The following PTPRN2 variants were observed in gnomAD, a reference collection of about 807,000 sequenced individuals.
PTPRN2 encodes protein tyrosine phosphatase receptor type N2.
Under a neutral mutation model 118.8 loss-of-function variants are expected in PTPRN2, and 74 were observed. The ratio of observed to expected loss-of-function variants is 0.62; its 90% CI spans 0.52 to 0.76. The LOEUF (loss-of-function observed/expected upper bound fraction) is 0.76, where lower values mean the gene tolerates loss of function less well. Among genes scored for constraint, PTPRN2 ranks in the 30% least tolerant of loss-of-function variants. The probability of loss-of-function intolerance (pLI) is 0.00; values close to 1 mark genes in which losing one functional copy is unlikely to be tolerated. For synonymous variants in PTPRN2, 641 were observed against 608.0 expected, an observed-to-expected ratio of 1.05 and a Z score of -0.80; for missense variants, 1,481 against 1,394.4, an observed-to-expected ratio of 1.06 and a Z score of -0.99.
chr7:157,778,715 T>C (rs971722144), intron 12 of PTPRN2, among the ~76,000 whole-genome samples: 5 of 150,222 alleles, frequency 3.3e-5, no homozygotes, highest in African/African-American at 4.9e-5. Context: ...CATGTAAACA[T>C]GTCCACCTGA....
At chr7:158,441,034 TG>T in intron 2 of PTPRN2, among the ~76,000 whole-genome samples, 1 of 147,572 alleles carries the variant, frequency 6.8e-6, no homozygotes. Flanking sequence ...GTGGTGACAG[TG>T]GTAGTAGTGA....
At chr7:157,701,134 T>TC (rs1798046751) in intron 12 of PTPRN2, among the ~76,000 whole-genome samples, 1 of 152,144 alleles carries the variant, frequency 6.6e-6, no homozygotes, top group African/African-American at 2.4e-5. Context: ...CATTTTTTTT[T>TC]CCAGTTTTAC....
chr7:157,605,122 C>G (rs937249765), intron 15 of PTPRN2, among the ~76,000 whole-genome samples: 1 of 152,264 alleles, frequency 6.6e-6, no homozygotes, highest in African/African-American at 2.4e-5. Flanking sequence ...GCTCACACTA[C>G]CAGCCTGGGT....
chr7:157,873,304 C>T (rs766949088), intron 12 of PTPRN2, among the ~76,000 whole-genome samples: 9 of 152,244 alleles, frequency 5.9e-5, no homozygotes, highest in African/African-American at 1.2e-4. Context: ...AGAAAGCAGC[C>T]GCCTGGCCTG....
intron 11 of PTPRN2, among the ~76,000 whole-genome samples, chr7:157,927,304 T>G (rs1350037862): frequency 2.0e-5 from 1 of 50,860 alleles, no homozygotes; most frequent in African/African-American, 9.4e-5. Context: ...AGCAGAGACC[T>G]CATGTCTTCT....
intron 2 of PTPRN2, among the ~76,000 whole-genome samples, chr7:158,440,888 AGGT>A (rs1364137242): frequency 1.2e-4 from 10 of 81,678 alleles, no homozygotes; most frequent in Non-Finnish European, 1.7e-4. Context: ...GTGGTGGTGA[AGGT>A]GGTGGTGGTG....
Position 157,720,207 on chromosome 7 carries a change from C to T in PTPRN2, c.1789-37270G>A, listed in dbSNP as rs189270876. On this transcript the variant is annotated intron_variant, in intron 12 of 22. Transcript: ENST00000389418. ...AGATATCTGCAGTGTTAGCGAGAGACGCTGTTGACCCTTCTTGGCTTATCA... is the reference window on the plus strand; with the variant it reads ...AGATATCTGCAGTGTTAGCGAGAGATGCTGTTGACCCTTCTTGGCTTATCA... Among the ~76,000 whole-genome samples, 20 of 152,334 alleles carry T rather than the reference C, an allele frequency of 1.3e-4. No homozygotes were observed. In the East Asian group the frequency reaches 3.1e-3, roughly 24 times the overall value.
chr7:158,356,141 G>A (rs1190636336), intron 2 of PTPRN2, among the ~76,000 whole-genome samples: 1 of 152,134 alleles, frequency 6.6e-6, no homozygotes, highest in Non-Finnish European at 1.5e-5. Flanking sequence ...TCACAGTTGG[G>A]ATAAAGGACA....
intron 2 of PTPRN2, among the ~76,000 whole-genome samples, chr7:158,372,434 AGCTGGTCCCCCCAAT>A (rs1810124770): frequency 7.0e-6 from 1 of 143,792 alleles, no homozygotes; most frequent in South Asian, 2.3e-4. Context: ...TGGTCCCCGA[AGCTGGTCCCCCCAAT>A]GCTGGTCCCT....
At chr7:158,070,969 C>CGTGGT (rs1585331049) in intron 11 of PTPRN2, among the ~76,000 whole-genome samples, 32 of 16,638 alleles carry the variant, frequency 1.9e-3, no homozygotes, top group African/African-American at 8.0e-3. Flanking sequence ...GAGGTGCTCA[C>CGTGGT]GGTGGAGGTG....
intron 3 of PTPRN2, among the ~76,000 whole-genome samples, chr7:158,306,740 T>C (rs1255362642): frequency 6.6e-6 from 1 of 152,230 alleles, no homozygotes; most frequent in Non-Finnish European, 1.5e-5. Context: ...ACTAAAAATT[T>C]TTGAGGCATT....
rs73730446 is a variant in PTPRN2 at position 158,569,417 on chromosome 7, C to T, written c.112+18141G>A. Among the ~76,000 whole-genome samples, 641 of 152,378 alleles carry T rather than the reference C, an allele frequency of 4.2e-3. 3 individuals carry two copies. The highest frequency in any genetic ancestry group is 0.015 in the African/African-American group (606 of 41,598). The stretch of plus-strand genomic sequence containing the variant: ...GACGAGGGCCAGACCCAGATGCGCC[C>T]GCTTGGGCGGACGAGACTCCCTGAC... On this transcript the variant is annotated intron_variant, in intron 1 of 22. Coordinates refer to ENST00000389418, the MANE Select transcript of PTPRN2 (RefSeq NM_002847.5).
chr7:157,793,344 A>T (rs1283524719), intron 12 of PTPRN2, among the ~76,000 whole-genome samples: 3 of 152,002 alleles, frequency 2.0e-5, no homozygotes, highest in Non-Finnish European at 4.4e-5. Context: ...CGCGGCGGTG[A>T]TAACCTTTAC....
intron 2 of PTPRN2, among the ~76,000 whole-genome samples, chr7:158,320,618 G>C (rs529713248): frequency 8.5e-5 from 13 of 152,364 alleles, no homozygotes; most frequent in South Asian, 2.1e-4. Flanking sequence ...AGGCGTCCAT[G>C]TTCCAGCGTT....
intron 2 of PTPRN2, among the ~76,000 whole-genome samples, chr7:158,456,797 CG>C (rs1298375982): frequency 6.6e-6 from 1 of 152,122 alleles, no homozygotes; most frequent in Non-Finnish European, 1.5e-5. Flanking sequence ...TTAGGGGAGA[CG>C]GGGTCTTACT....
chr7:157,748,732 A>G (rs1351720997), intron 12 of PTPRN2, among the ~76,000 whole-genome samples: 30 of 130,812 alleles, frequency 2.3e-4, no homozygotes, highest in African/African-American at 8.9e-4. Context: ...TGCGTCCCTG[A>G]GCTGTGGGCT....
chr7:158,317,371 G>A (rs1036386494), intron 2 of PTPRN2, among the ~76,000 whole-genome samples: 4 of 152,240 alleles, frequency 2.6e-5, no homozygotes, highest in Non-Finnish European at 4.4e-5. Flanking sequence ...AAGGATCGGC[G>A]GAGACGCCTC....
At chr7:157,778,268 A>C in intron 12 of PTPRN2, among the ~76,000 whole-genome samples, 1 of 152,360 alleles carries the variant, frequency 6.6e-6, no homozygotes, top group South Asian at 2.1e-4. Context: ...ATGCCCAAGT[A>C]CATGTGAATA....
intron 12 of PTPRN2, among the ~76,000 whole-genome samples, chr7:157,758,072 T>C (rs1283537625): frequency 1.3e-5 from 2 of 152,126 alleles, no homozygotes; most frequent in East Asian, 3.9e-4. Context: ...GTCTCGGGAC[T>C]GACGGCGCAG....
Sources: allele counts gnomAD v4.1 joint callset (sites outside exome capture counted in the v4.1 genomes callset), GRCh38; gene constraint gnomAD v4.1.1; transcripts MANE v1.5; gene names NCBI Gene and HGNC (gene_info 2026-07-23, HGNC 2026-07-21).